ZNF544: variants seen among roughly 807,000 people sequenced by gnomAD.
ZNF544 encodes the protein zinc finger protein 544, also known as zinc finger protein AF020591.
In ZNF544, 10 loss-of-function variants were observed where a neutral mutation model predicts 13.5. The ratio of observed to expected loss-of-function variants is 0.74; its 90% CI spans 0.46 to 1.25. The LOEUF is 1.25. ZNF544 is among the 50% of genes most tolerant of loss of function. The pLI is 0.00. For missense variants in ZNF544, 896 were observed against 845.6 expected (o/e 1.06, Z -0.74); for synonymous variants, 323 against 300.5 (o/e 1.07, Z -0.77).
rs996593410 is a variant in ZNF544, at chr19:58,261,887, G to A, written c.1281G>A (p.Gln427=). ...AGAGATCCAAACTTATTACACATCAGCGAATTCACACTGGAGAAAAACCGT... is the reference window on the plus strand; with the variant it reads ...AGAGATCCAAACTTATTACACATCAACGAATTCACACTGGAGAAAAACCGT... ...FTQRSKLITH[Q]RIHTGEKPYQ... Residue 427 remains glutamine (Q), a synonymous_variant, in exon 7 of 7, where the codon CAG becomes CAA. Coordinates refer to ENST00000687789, the MANE Select transcript of ZNF544 (RefSeq NM_014480.4). The A allele has an allele frequency of 1.9e-6, 3 of 1,613,282 alleles. No individual in the cohort carries two copies. Among genetic ancestry groups the A allele is most frequent in the Non-Finnish European group, 2.5e-6 (3 of 1,179,908 alleles).
chr19:58,269,426 A>C, intron 5 of ZNF544, among the ~76,000 whole-genome samples: 1 of 140,196 alleles, frequency 7.1e-6, no homozygotes. Context: ...ACAAAGCGAG[A>C]CTCTGTCTCA....
chr19:58,246,688 G>A, intron 5 of ZNF544, 23 bp from the exon 6 acceptor site: 1 of 1,613,276 alleles, frequency 6.2e-7, no homozygotes, highest in Non-Finnish European at 8.5e-7. Flanking sequence ...AGAGGGGCAA[G>A]TCCTTTTTCC....
At chr19:58,259,536 G>T (rs984950625) in intron 6 of ZNF544, 7 of 152,206 alleles carry the variant, frequency 4.6e-5, no homozygotes, top group African/African-American at 7.2e-5. Flanking sequence ...TCAAGGTGTT[G>T]ATATGGTTGT....
At chr19:58,244,868 T>G (rs1021878546) in intron 4 of ZNF544, among the ~76,000 whole-genome samples, 1 of 150,648 alleles carries the variant, frequency 6.6e-6, no homozygotes, top group Non-Finnish European at 1.5e-5. Flanking sequence ...TGAGCCACCA[T>G]GCGCAGCCTC....
Position 58,243,989 on chromosome 19 carries a change from C to G in ZNF544, c.-35C>G. On this transcript the variant is annotated 5_prime_UTR_variant, in exon 4 of 7. Coordinates refer to ENST00000687789, the MANE Select transcript of ZNF544 (RefSeq NM_014480.4). ...GACTGGTCTTCTGAGGACCTCTGCCCTCTACACAGCGGCCTCTTCAGGTGC... is the reference window on the plus strand; with the variant it reads ...GACTGGTCTTCTGAGGACCTCTGCCGTCTACACAGCGGCCTCTTCAGGTGC... 1 of 1,601,558 alleles carries G rather than the reference C, an allele frequency of 6.2e-7. No homozygotes were observed.
intron 1 of ZNF544, 186 bp downstream of exon 1, chr19:58,229,132 C>T (rs902794703): frequency 6.6e-6 from 1 of 152,324 alleles, no homozygotes; most frequent in Non-Finnish European, 1.5e-5. Context: ...CGGGATCTCT[C>T]CGGCCTCAGG....
rs772837121 is a variant in ZNF544, at chr19:58,260,946, C to G, written c.340C>G (p.Pro114Ala). 7.4e-6 allele frequency: 12 copies of G among 1,614,150 alleles called. No individual in the cohort carries two copies. Among genetic ancestry groups the G allele is most frequent in the Non-Finnish European group, 9.3e-6 (11 of 1,180,028 alleles). ...SHHVEVYRSG[P>A]EEPPSLVLGK... ...CCACGTGGAAGTGTACAGGAGTGGACCGGAGGAGCCACCCTCTTTGGTATT... is the reference window on the plus strand; with the variant it reads ...CCACGTGGAAGTGTACAGGAGTGGAGCGGAGGAGCCACCCTCTTTGGTATT... Residue 114 changes from proline (P) to alanine (A), a missense_variant, in exon 7 of 7, where the codon CCG becomes GCG. Coordinates refer to ENST00000687789, the MANE Select transcript of ZNF544 (RefSeq NM_014480.4).
downstream of ZNF544, among the ~76,000 whole-genome samples, chr19:58,268,958 T>C (rs1484937388): frequency 5.3e-5 from 8 of 152,084 alleles, no homozygotes; most frequent in East Asian, 1.2e-3. Flanking sequence ...TTAACACTTA[T>C]GATTTATTCT....
chr19:58,272,241 G>C (rs1190427639), intron 5 of ZNF544, among the ~76,000 whole-genome samples: 1 of 151,952 alleles, frequency 6.6e-6, no homozygotes, highest in Non-Finnish European at 1.5e-5. Flanking sequence ...TCAGCAGGCA[G>C]GGCAGGAAGG....
At chr19:58,231,663 T>A (rs2041255232) in intron 3 of ZNF544, 1 of 152,248 alleles carries the variant, frequency 6.6e-6, no homozygotes. Flanking sequence ...CCTCACAAAG[T>A]GCTGGGATTA....
At chr19:58,239,664 C>T (rs260478) in intron 3 of ZNF544, among the ~76,000 whole-genome samples, 76,439 of 152,006 alleles carry the variant, frequency 0.5, 19,486 homozygotes, top group Middle Eastern at 0.64. Context: ...TTTGGGAGGC[C>T]GGGGTGGGCG....
At chr19:58,242,116 A>C in intron 3 of ZNF544, 1 of 460,168 alleles carries the variant, frequency 2.2e-6, no homozygotes, top group Non-Finnish European at 2.9e-6. Flanking sequence ...AGAGCAGGAG[A>C]GTTCTCAGAA....
At chr19:58,257,899 T>G (rs1568491524) in intron 6 of ZNF544, 1 of 152,278 alleles carries the variant, frequency 6.6e-6, no homozygotes. Flanking sequence ...ATGTTGAGTT[T>G]ATCTGAATTT....
In ZNF544 at chr19:58,246,752, CA is replaced by C. The variant is rs763007880; in HGVS notation, c.204del (p.Glu69LysfsTer24). On this transcript the variant is annotated frameshift_variant, in exon 6 of 7. Transcript: ENST00000687789. LOFTEE classifies it low-confidence loss of function (END_TRUNC). ...ATCTGATGTGATCTCTCAGCTGGAG[CA>C]AGAAGAGGACCTGTGCAGGGCAGAG... ...SKSDVISQLEQEEDLCRAEQE... is the reference protein window; with the variant it reads ...SKSDVISQLEXEEDLCRAEQE... The C allele has an allele frequency of 6.2e-7, 1 of 1,614,082 alleles. No homozygotes were observed. The highest frequency in any genetic ancestry group is 1.7e-5 in the Admixed American group (1 of 60,012).
chr19:58,246,852 C>G, intron 6 of ZNF544, 58 bp downstream of exon 6: 3 of 1,547,468 alleles, frequency 1.9e-6, no homozygotes, highest in Non-Finnish European at 2.7e-6. Flanking sequence ...ACAGAGAGCT[C>G]TCCGCAGGGC....
chr19:58,266,411 A>G (rs565675863), downstream of ZNF544, among the ~76,000 whole-genome samples: 1 of 144,606 alleles, frequency 6.9e-6, no homozygotes, highest in East Asian at 2.2e-4. Flanking sequence ...GCTACGAGGG[A>G]GGCTGAGGCA....
At chr19:58,234,261 C>G (rs2041946702) in intron 3 of ZNF544, among the ~76,000 whole-genome samples, 1 of 152,230 alleles carries the variant, frequency 6.6e-6, no homozygotes, top group South Asian at 2.1e-4. Context: ...TCGTTCCAGT[C>G]TCTGGGGTGA....
At chr19:58,250,876 G>T (rs2046187657) in intron 6 of ZNF544, among the ~76,000 whole-genome samples, 1 of 152,146 alleles carries the variant, frequency 6.6e-6, no homozygotes, top group Non-Finnish European at 1.5e-5. Context: ...TGCCAGAGCT[G>T]GGCTGGTGGT....
At chr19:58,249,399 C>T (rs1190524271) in intron 6 of ZNF544, among the ~76,000 whole-genome samples, 1 of 152,166 alleles carries the variant, frequency 6.6e-6, no homozygotes, top group Non-Finnish European at 1.5e-5. Flanking sequence ...GGTGGTGTCT[C>T]CACCTGGAAC....
Sources: allele counts gnomAD v4.1 joint callset (sites outside exome capture counted in the v4.1 genomes callset), GRCh38; gene constraint gnomAD v4.1.1; transcripts MANE v1.5; gene names NCBI Gene and HGNC (gene_info 2026-07-23, HGNC 2026-07-21).